Variants in CCBE1 observed in about 807,000 individuals in gnomAD.
CCBE1 encodes collagen and calcium binding EGF domains 1, also known as collagen and calcium-binding EGF domain-containing protein 1.
CCBE1 carries 37 observed loss-of-function variants against 50.0 expected under a neutral mutation model. The observed-to-expected ratio is 0.74, with a 90% confidence interval of 0.57 to 0.97. CCBE1 has a LOEUF of 0.97. Among genes scored for constraint, CCBE1 ranks in the 50% least tolerant of loss-of-function variants. The pLI is 0.00. For missense variants in CCBE1, 538 were observed against 523.8 expected, an observed-to-expected ratio of 1.03 and a Z score of -0.26; for synonymous variants, 234 against 203.7, an observed-to-expected ratio of 1.15 and a Z score of -1.27.
chr18:59,689,910 C>G (rs988282811), intron 2 of CCBE1, among the ~76,000 whole-genome samples: 2 of 152,160 alleles, frequency 1.3e-5, no homozygotes, highest in Admixed American at 1.3e-4. Flanking sequence ...TTTCCTGACT[C>G]TGCTTGAAGC....
rs374993169 is a variant in CCBE1 at position 59,466,895 on chromosome 18, G to A, written c.401-4C>T. On this transcript the variant is annotated splice_polypyrimidine_tract_variant and splice_region_variant and intron_variant, in intron 4 of 10. Transcript: ENST00000439986. ...CTGCTGGCACACTCATCAATATCTG[G>A]TTTGAACCAAATGTAGAGAATACTA... The A allele has an allele frequency of 1.9e-6, 3 of 1,611,336 alleles. No homozygotes were observed. In the African/African-American group the frequency reaches 4.0e-5, roughly 22 times the overall value.
At chr18:59,515,933 A>G (rs1914350197) in intron 2 of CCBE1, among the ~76,000 whole-genome samples, 1 of 152,142 alleles carries the variant, frequency 6.6e-6, no homozygotes, top group South Asian at 2.1e-4. Context: ...TGCTTGCCCT[A>G]TTTTGATGCT....
At chr18:59,524,274 T>G (rs1440194866) in intron 2 of CCBE1, among the ~76,000 whole-genome samples, 1 of 152,140 alleles carries the variant, frequency 6.6e-6, no homozygotes, top group African/African-American at 2.4e-5. Flanking sequence ...GAGCCAAGAT[T>G]GCGCCACTGC....
intron 2 of CCBE1, among the ~76,000 whole-genome samples, chr18:59,695,535 G>A (rs2054793971): frequency 1.3e-5 from 2 of 152,336 alleles, no homozygotes; most frequent in South Asian, 2.1e-4. Context: ...AAGAGCAGAA[G>A]TACGCGATGT....
At chr18:59,640,130 A>G (rs1291493087) in intron 2 of CCBE1, among the ~76,000 whole-genome samples, 1 of 152,168 alleles carries the variant, frequency 6.6e-6, no homozygotes, top group East Asian at 1.9e-4. Flanking sequence ...AACTAGAAAA[A>G]ACGATTTTAA....
intron 2 of CCBE1, among the ~76,000 whole-genome samples, chr18:59,588,050 A>C (rs560838248): frequency 6.6e-6 from 1 of 152,392 alleles, no homozygotes; most frequent in Middle Eastern, 3.4e-3. Context: ...GTTGGTTCTT[A>C]AATTCATCTA....
chr18:59,599,215 T>C (rs756154175), intron 2 of CCBE1, among the ~76,000 whole-genome samples: 4 of 152,064 alleles, frequency 2.6e-5, no homozygotes, highest in Non-Finnish European at 5.9e-5. Context: ...AAAGGAGAGA[T>C]GAAGGCTGGG....
chr18:59,479,754 CTCTA>C (rs1372840104), intron 3 of CCBE1, among the ~76,000 whole-genome samples: 8 of 152,178 alleles, frequency 5.3e-5, no homozygotes, highest in African/African-American at 1.4e-4. Context: ...TGCTCTGTAT[CTCTA>C]TCTGAGTGCT....
intron 3 of CCBE1, among the ~76,000 whole-genome samples, chr18:59,472,266 C>G (rs1912068882): frequency 6.6e-6 from 1 of 152,202 alleles, no homozygotes; most frequent in Non-Finnish European, 1.5e-5. Context: ...TTTCCCTAGC[C>G]TAGAGGCGGT....
Position 59,436,197 on chromosome 18 carries a change from G to A in CCBE1, c.988-56C>T, listed in dbSNP as rs1910151112. On this transcript the variant is annotated intron_variant, in intron 10 of 10. Coordinates refer to ENST00000439986, the MANE Select transcript of CCBE1 (RefSeq NM_133459.4). Reference sequence around the variant, plus strand: ...TACGACAGACAGCAATGGCCTCCGGGGCTCCATGACTTGACCTGCTGCTTG... The same window carrying A: ...TACGACAGACAGCAATGGCCTCCGGAGCTCCATGACTTGACCTGCTGCTTG... 4.0e-6 allele frequency: 6 copies of A among 1,507,464 alleles called. No individual in the cohort carries two copies. In the Admixed American group the frequency reaches 8.4e-5, roughly 21 times the overall value. The allele number at this position is 1,507,464 out of a possible 1,614,324, so 93.4% of individuals were successfully genotyped here. A position where few individuals can be genotyped will look rare whatever the true frequency, so the allele number is the denominator to read the frequency against.
At chr18:59,479,950 A>G (rs1411051492) in intron 3 of CCBE1, among the ~76,000 whole-genome samples, 1 of 152,260 alleles carries the variant, frequency 6.6e-6, no homozygotes, top group African/African-American at 2.4e-5. Flanking sequence ...TAAAACCTGA[A>G]ATACTATATA....
At position 59,681,917 on chromosome 18, in the gene CCBE1, C is replaced by T. The variant is rs1039149294; in HGVS notation, c.212+14712G>A. 2.0e-5 allele frequency among the ~76,000 whole-genome samples: 3 copies of T among 152,192 alleles called. No homozygotes were observed. The East Asian group carries it at 5.8e-4, about 29-fold the overall frequency. On this transcript the variant is annotated intron_variant, in intron 2 of 10. Coordinates refer to ENST00000439986, the MANE Select transcript of CCBE1 (RefSeq NM_133459.4). ...ACTAAATGCGCTTCTGTTTACTCTG[C>T]TCTCTGTGAAGGTGGGAGTGGTCCC...
At chr18:59,561,029 G>T (rs1221921875) in intron 2 of CCBE1, among the ~76,000 whole-genome samples, 1 of 151,640 alleles carries the variant, frequency 6.6e-6, no homozygotes, top group Non-Finnish European at 1.5e-5. Context: ...AATGGGACAT[G>T]GTGCACAGAT....
chr18:59,589,124 C>T (rs906491453), intron 2 of CCBE1, among the ~76,000 whole-genome samples: 9 of 152,148 alleles, frequency 5.9e-5, no homozygotes, highest in African/African-American at 1.9e-4. Flanking sequence ...TTGGGGATCC[C>T]TGTGGACAGG....
intron 2 of CCBE1, among the ~76,000 whole-genome samples, chr18:59,524,322 A>G (rs956700203): frequency 1.3e-5 from 2 of 152,196 alleles, no homozygotes; most frequent in African/African-American, 4.8e-5. Context: ...CCTGTCTCAA[A>G]AACAAAACAA....
rs559688284 is a variant in CCBE1, at chr18:59,490,631, G to A, written c.213-10393C>T. ...GTCTGCGCCAATCACGATTCACTTC[G>A]CCAACCCAAAACAGCAACATTTTAA... On this transcript the variant is annotated intron_variant, in intron 2 of 10. Coordinates refer to ENST00000439986, the MANE Select transcript of CCBE1 (RefSeq NM_133459.4). 3.9e-5 allele frequency among the ~76,000 whole-genome samples: 6 copies of A among 152,132 alleles called. No individual in the cohort carries two copies. The East Asian group carries it at 5.8e-4, about 15-fold the overall frequency.
chr18:59,498,424 A>C (rs1245830765), intron 2 of CCBE1, among the ~76,000 whole-genome samples: 2 of 152,208 alleles, frequency 1.3e-5, no homozygotes, highest in African/African-American at 4.8e-5. Context: ...TAAATGGTTC[A>C]AATGTAAACT....
chr18:59,567,517 C>A lies in CCBE1; in HGVS notation c.213-87279G>T, dbSNP rs556456924. ...GCTAATGGGGAAATCCAGCAGACAG[C>A]GATGGGAAGCAAATGATTGCAGTCA... On this transcript the variant is annotated intron_variant, in intron 2 of 10. Transcript: ENST00000439986. Among the ~76,000 whole-genome samples, 6 of 152,322 alleles carry A rather than the reference C, an allele frequency of 3.9e-5. No individual in the cohort carries two copies. The South Asian group carries it at 8.3e-4, about 21-fold the overall frequency.
At chr18:59,626,448 C>A (rs538338809) in intron 2 of CCBE1, among the ~76,000 whole-genome samples, 3 of 152,296 alleles carry the variant, frequency 2.0e-5, no homozygotes, top group Admixed American at 1.3e-4. Context: ...ATGACAGGAG[C>A]AATGAACACT....
Sources: allele counts gnomAD v4.1 joint callset (sites outside exome capture counted in the v4.1 genomes callset), GRCh38; gene constraint gnomAD v4.1.1; transcripts MANE v1.5; gene names NCBI Gene and HGNC (gene_info 2026-07-23, HGNC 2026-07-21).